Variants in SMC1B observed in about 807,000 individuals in gnomAD.
The protein encoded by SMC1B is structural maintenance of chromosomes 1B.
Under a neutral mutation model 157.9 loss-of-function variants are expected in SMC1B, and 60 were observed. That is an observed-to-expected ratio of 0.38 (90% confidence interval 0.31 to 0.47). The LOEUF (loss-of-function observed/expected upper bound fraction) is 0.47. SMC1B is among the 20% of genes least tolerant of loss of function. SMC1B has a pLI of 0.99. For synonymous variants in SMC1B, 445 were observed against 483.0 expected (o/e 0.92, Z 1.03); for missense variants, 1,165 against 1,426.2 (o/e 0.82, Z 2.95).
intron 15 of SMC1B, among the ~76,000 whole-genome samples, chr22:45,368,071 C>T (rs1414973489): frequency 2.0e-5 from 3 of 152,078 alleles, no homozygotes; most frequent in Non-Finnish European, 2.9e-5. Context: ...AATAGTGATA[C>T]TGAGTATCTC....
rs772284288 is a variant in SMC1B, at chr22:45,402,415, G to A, written c.772C>T (p.His258Tyr). Residue 258 changes from histidine (H) to tyrosine (Y), a missense_variant, in exon 5 of 25, where the codon CAT (histidine) becomes TAT (tyrosine). Coordinates refer to ENST00000357450, the MANE Select transcript of SMC1B (RefSeq NM_148674.5). ...DLSVKRESLS[H>Y]HENIVKARKK... ...CTGGCTTTAACTATGTTTTCATGAT[G>A]AGACAAAGACTCTCTTTTGACACTC... is the stretch of plus-strand genomic sequence containing the variant. 2 of 1,613,886 alleles carry A rather than the reference G, an allele frequency of 1.2e-6. No homozygotes were observed. Among genetic ancestry groups the A allele is most frequent in the African/African-American group, 1.3e-5 (1 of 75,010 alleles).
Position 45,344,310 on chromosome 22 carries a change from T to G in SMC1B, c.*246A>C. 1 of 284,946 alleles carries G rather than the reference T, an allele frequency of 3.5e-6. No homozygotes were observed. The highest frequency in any genetic ancestry group is 6.5e-6 in the Non-Finnish European group (1 of 154,412). 17.7% of individuals were successfully genotyped at this position (284,946 alleles called of 1,614,324 possible). ...AGAAGTTAGAATTATAGTACAAAAT[T>G]GTACCTTTTGTTTGTTTTTTAAAAA... On this transcript the variant is annotated 3_prime_UTR_variant, in exon 25 of 25. Coordinates refer to ENST00000357450, the MANE Select transcript of SMC1B (RefSeq NM_148674.5).
At chr22:45,380,454 A>C (rs938566413) in intron 12 of SMC1B, among the ~76,000 whole-genome samples, 1 of 152,122 alleles carries the variant, frequency 6.6e-6, no homozygotes. Context: ...TTAGTCTCAC[A>C]TCAAGTTTCC....
chr22:45,352,670 C>G, intron 21 of SMC1B, 68 bp from the exon 22 acceptor site: 1 of 1,451,580 alleles, frequency 6.9e-7, no homozygotes, highest in Non-Finnish European at 9.4e-7. Context: ...TGGAGTTTAA[C>G]TGCAAAATAT....
intron 18 of SMC1B, among the ~76,000 whole-genome samples, chr22:45,359,143 A>C (rs2086697145): frequency 6.6e-6 from 1 of 152,186 alleles, no homozygotes; most frequent in South Asian, 2.1e-4. Context: ...ATATGGGAGG[A>C]TGCGCATAGG....
In SMC1B at chr22:45,398,607, A is replaced by G. The variant is rs1489524465; in HGVS notation, c.1113+488T>C. Among the ~76,000 whole-genome samples, 3 of 152,312 alleles carry G rather than the reference A, an allele frequency of 2.0e-5. No homozygotes were observed. In the South Asian group the frequency reaches 6.2e-4, roughly 32 times the overall value. ...TACTTTGGGAGGCCAAGGCAGGTGG[A>G]TCACCAGAGGTCGGGAGTTTGAGAC... On this transcript the variant is annotated intron_variant, in intron 6 of 24. Coordinates refer to ENST00000357450, the MANE Select transcript of SMC1B (RefSeq NM_148674.5).
At chr22:45,386,674 G>GT (rs904103683) in intron 11 of SMC1B, among the ~76,000 whole-genome samples, 193 bp downstream of exon 11, 1 of 151,864 alleles carries the variant, frequency 6.6e-6, no homozygotes, top group South Asian at 2.1e-4. Flanking sequence ...TGCTATAAGA[G>GT]TTTTTTTTCT....
intron 10 of SMC1B, among the ~76,000 whole-genome samples, chr22:45,389,192 A>G (rs1250460059): frequency 6.6e-6 from 1 of 152,148 alleles, no homozygotes; most frequent in East Asian, 1.9e-4. Context: ...TGAGTAATCA[A>G]TGAAAAATCA....
chr22:45,391,660 T>C (rs1204959404), intron 9 of SMC1B, among the ~76,000 whole-genome samples: 1 of 152,210 alleles, frequency 6.6e-6, no homozygotes, highest in Admixed American at 6.5e-5. Context: ...GTTGATAGAA[T>C]AAGTATTTCC....
intron 14 of SMC1B, 88 bp from the exon 15 acceptor site, chr22:45,370,148 T>C: frequency 1.4e-6 from 1 of 726,804 alleles, no homozygotes; most frequent in Non-Finnish European, 2.1e-6. Flanking sequence ...AAGATTTTCC[T>C]GAATTAGGCC....
chr22:45,346,249 A>G (rs924041771), intron 23 of SMC1B, among the ~76,000 whole-genome samples: 4 of 152,286 alleles, frequency 2.6e-5, no homozygotes, highest in African/African-American at 4.8e-5. Context: ...CCACCTTCCT[A>G]TTTTGCCAAC....
intron 20 of SMC1B, 37 bp downstream of exon 20, chr22:45,354,922 T>C (rs2086655024): frequency 6.3e-7 from 1 of 1,598,802 alleles, no homozygotes; most frequent in African/African-American, 1.3e-5. Context: ...AAAACACCCA[T>C]GAATATAATC....
chr22:45,385,998 A>G (rs1397705877), intron 11 of SMC1B, among the ~76,000 whole-genome samples: 1 of 152,058 alleles, frequency 6.6e-6, no homozygotes, highest in African/African-American at 2.4e-5. Context: ...GTAGGTAATA[A>G]AATTACTACC....
At chr22:45,350,630 TGGGTG>T (rs2086605525) in intron 22 of SMC1B, among the ~76,000 whole-genome samples, 1 of 152,194 alleles carries the variant, frequency 6.6e-6, no homozygotes, top group East Asian at 1.9e-4. Flanking sequence ...CAATTCCATG[TGGGTG>T]ACTAATACAT....
At chr22:45,346,078 G>GC (rs1356903407) in intron 23 of SMC1B, among the ~76,000 whole-genome samples, 1 of 151,806 alleles carries the variant, frequency 6.6e-6, no homozygotes, top group Non-Finnish European at 1.5e-5. Context: ...GGTGGCAGGT[G>GC]CCTATAATCC....
intron 15 of SMC1B, among the ~76,000 whole-genome samples, chr22:45,367,664 G>T (rs970331968): frequency 4.6e-5 from 7 of 152,192 alleles, no homozygotes; most frequent in African/African-American, 1.4e-4. Flanking sequence ...GCAGGGACAG[G>T]CCCCTTGCCA....
In SMC1B at chr22:45,406,449, T is replaced by C; in HGVS notation, c.615+11A>G. ...CCAACAACTAATGGTTACATCTTCA[T>C]GACATCTTACCTCTTCCTTCTCTAA... On this transcript the variant is annotated intron_variant, in intron 4 of 24. Transcript: ENST00000357450. 6.2e-7 allele frequency: 1 copy of C among 1,600,468 alleles called. No homozygotes were observed. The highest frequency in any genetic ancestry group is 8.5e-7 in the Non-Finnish European group (1 of 1,175,644).
intron 1 of SMC1B, among the ~76,000 whole-genome samples, chr22:45,412,077 A>G (rs1364346110): frequency 1.3e-5 from 2 of 151,894 alleles, no homozygotes. Context: ...CAGGGGTTTC[A>G]CTATGTTGGC....
At chr22:45,402,695 T>C in intron 4 of SMC1B, 124 bp from the exon 5 acceptor site, 1 of 745,846 alleles carries the variant, frequency 1.3e-6, no homozygotes. Context: ...ATAATGTTCT[T>C]GCCAAAAGTA....
Sources: allele counts gnomAD v4.1 joint callset (sites outside exome capture counted in the v4.1 genomes callset), GRCh38; gene constraint gnomAD v4.1.1; transcripts MANE v1.5; gene names NCBI Gene and HGNC (gene_info 2026-07-23, HGNC 2026-07-21).